The following IL15 variants were observed in gnomAD, a reference collection of about 807,000 sequenced individuals.
IL15 encodes interleukin-15.
In IL15, 11 loss-of-function variants were observed where a neutral mutation model predicts 19.6. That is an observed-to-expected ratio of 0.56 (90% CI 0.35 to 0.93). IL15 has a LOEUF of 0.93. Among genes scored for constraint, IL15 ranks in the 40% least tolerant of loss-of-function variants. IL15 has a pLI of 0.01. For missense variants in IL15, 197 were observed against 186.5 expected (o/e 1.06, Z -0.33); for synonymous variants, 58 against 59.6 (o/e 0.97, Z 0.12).
intron 5 of IL15, 93 bp from the exon 6 acceptor site, chr4:141,727,847 A>T: frequency 1.5e-6 from 1 of 673,920 alleles, no homozygotes; most frequent in South Asian, 1.7e-5. Context: ...TAAAAAAAGA[A>T]TTAAAAACAA....
At chr4:141,699,435 C>T (rs1319151674) in intron 2 of IL15, among the ~76,000 whole-genome samples, 5 of 152,116 alleles carry the variant, frequency 3.3e-5, no homozygotes, top group Admixed American at 2.0e-4. Flanking sequence ...GTATTGAAGT[C>T]CCCCACTATT....
At chr4:141,645,291 G>A (rs1460574194) in intron 1 of IL15, among the ~76,000 whole-genome samples, 2 of 152,074 alleles carry the variant, frequency 1.3e-5, no homozygotes, top group Non-Finnish European at 2.9e-5. Flanking sequence ...TGACTAGTTG[G>A]CAAGGTCTGT....
intron 2 of IL15, chr4:141,718,538 C>G (rs1351844298): frequency 6.6e-6 from 1 of 152,234 alleles, no homozygotes; most frequent in Admixed American, 6.5e-5. Flanking sequence ...AAAGGTATTT[C>G]TATTGGATAC....
intron 5 of IL15, among the ~76,000 whole-genome samples, chr4:141,726,341 G>A (rs1289593427): frequency 3.3e-5 from 5 of 152,114 alleles, no homozygotes; most frequent in Non-Finnish European, 5.9e-5. Flanking sequence ...TGTTTAGAAA[G>A]TAATGCAAAT....
intron 2 of IL15, among the ~76,000 whole-genome samples, chr4:141,685,678 C>T (rs1160861076): frequency 6.6e-6 from 1 of 152,134 alleles, no homozygotes; most frequent in Non-Finnish European, 1.5e-5. Flanking sequence ...TGAAATTAAA[C>T]TTCAGAAATT....
intron 5 of IL15, among the ~76,000 whole-genome samples, chr4:141,724,669 C>A (rs1272974908): frequency 2.6e-5 from 4 of 152,060 alleles, no homozygotes; most frequent in Non-Finnish European, 5.9e-5. Context: ...AAACTATGAA[C>A]AATTTTATGC....
intron 2 of IL15, among the ~76,000 whole-genome samples, chr4:141,692,610 A>C (rs1196630494): frequency 1.3e-5 from 2 of 152,080 alleles, no homozygotes; most frequent in African/African-American, 2.4e-5. Context: ...CAACTCTCTC[A>C]AGTTCAAAGT....
Position 141,720,648 on chromosome 4 carries a change from T to C in IL15, c.110+82T>C. The C allele has an allele frequency of 3.6e-6, 3 of 838,814 alleles. No individual in the cohort carries two copies. In the South Asian group the frequency reaches 4.1e-5, roughly 12 times the overall value. The allele number at this position is 838,814 out of a possible 1,614,324, so 52.0% of individuals were successfully genotyped here. ...TGGATATATTTTCCATTAAATTAGTTTACGTTCAGTTTGCTTATATCTCTA... is the reference window on the plus strand; with the variant it reads ...TGGATATATTTTCCATTAAATTAGTCTACGTTCAGTTTGCTTATATCTCTA... On this transcript the variant is annotated intron_variant, in intron 4 of 7. Coordinates refer to ENST00000320650, the MANE Select transcript of IL15 (RefSeq NM_000585.5).
intron 4 of IL15, chr4:141,721,431 A>G: frequency 1.6e-6 from 1 of 623,326 alleles, no homozygotes; most frequent in Non-Finnish European, 3.0e-6. Flanking sequence ...CAAGCATAGT[A>G]AGAGTGTGAG....
chr4:141,721,738 TG>T, intron 4 of IL15, 185 bp from the exon 5 acceptor site: 1 of 610,226 alleles, frequency 1.6e-6, no homozygotes, highest in Non-Finnish European at 2.8e-6. Flanking sequence ...TATCATAAAA[TG>T]CCAAAATTGT....
chr4:141,686,724 T>C (rs1728725398), intron 2 of IL15, among the ~76,000 whole-genome samples: 1 of 152,178 alleles, frequency 6.6e-6, no homozygotes, highest in South Asian at 2.1e-4. Context: ...AAACTATGAA[T>C]TCAAAATTAG....
rs528000883 is a variant in IL15, at chr4:141,686,811, A to C, written c.-100+30504A>C. On this transcript the variant is annotated intron_variant, in intron 2 of 7. Transcript: ENST00000320650. ...CAAAGGTCTGAAAAATACCCCAGTT[A>C]TCATCAAATATTATTGTTACTAGTA... Among the ~76,000 whole-genome samples the C allele has an allele frequency of 4.7e-4, 72 of 152,336 alleles. No individual in the cohort carries two copies. In the South Asian group the frequency reaches 0.014, roughly 30 times the overall value.
intron 2 of IL15, among the ~76,000 whole-genome samples, chr4:141,665,281 A>G (rs543037765): frequency 1.3e-5 from 2 of 152,124 alleles, no homozygotes; most frequent in Admixed American, 6.5e-5. Flanking sequence ...TAAACGTTTA[A>G]TAAGAATCAT....
chr4:141,713,489 C>T (rs1359490678), intron 2 of IL15, among the ~76,000 whole-genome samples: 8 of 152,220 alleles, frequency 5.3e-5, no homozygotes, highest in Non-Finnish European at 1.0e-4. Flanking sequence ...GCAACAAAGT[C>T]TACAAGACTT....
chr4:141,646,088 T>C (rs1033764434), intron 1 of IL15, among the ~76,000 whole-genome samples: 5 of 152,166 alleles, frequency 3.3e-5, no homozygotes, highest in African/African-American at 1.2e-4. Flanking sequence ...TTTTGATTAG[T>C]AGAGTGTCAT....
At chr4:141,684,231 G>C (rs1276285522) in intron 2 of IL15, among the ~76,000 whole-genome samples, 1 of 151,860 alleles carries the variant, frequency 6.6e-6, no homozygotes, top group Non-Finnish European at 1.5e-5. Flanking sequence ...TCTGTTAAAA[G>C]ATTGACCACT....
At chr4:141,708,628 C>T (rs556651300) in intron 2 of IL15, among the ~76,000 whole-genome samples, 2 of 152,262 alleles carry the variant, frequency 1.3e-5, no homozygotes, top group South Asian at 4.1e-4. Context: ...AGAAGTCTCC[C>T]TGACTCTGAG....
intron 5 of IL15, among the ~76,000 whole-genome samples, chr4:141,724,634 G>C (rs913008217): frequency 8.6e-5 from 13 of 152,018 alleles, no homozygotes; most frequent in African/African-American, 3.1e-4. Context: ...TACAGAATCT[G>C]CAGTCATTAG....
intron 2 of IL15, among the ~76,000 whole-genome samples, chr4:141,659,560 CA>C (rs761789465): frequency 1.1e-4 from 17 of 152,226 alleles, no homozygotes; most frequent in Non-Finnish European, 2.4e-4. Flanking sequence ...AAAAAAGAAG[CA>C]GGGGGAAATT....
Sources: gnomAD v4.1 joint callset for allele counts (sites outside exome capture counted in the v4.1 genomes callset) on GRCh38, gnomAD v4.1.1 for gene constraint, MANE v1.5 for transcripts, NCBI Gene and HGNC (gene_info 2026-07-23, HGNC 2026-07-21) for gene names.